Variants in ANKS1A observed in about 807,000 individuals in gnomAD.
ANKS1A encodes the protein ankyrin repeat and SAM domain-containing protein 1A.
In ANKS1A, 55 loss-of-function variants were observed where a neutral mutation model predicts 120.3. The ratio of observed to expected loss-of-function variants is 0.46; its 90% CI spans 0.37 to 0.57. The LOEUF (loss-of-function observed/expected upper bound fraction) is 0.57, where lower values mean the gene tolerates loss of function less well. ANKS1A is among the 20% of genes least tolerant of loss of function. ANKS1A has a pLI of 0.00. For synonymous variants in ANKS1A, 590 were observed against 604.7 expected, an observed-to-expected ratio of 0.98 and a Z score of 0.36; for missense variants, 1,123 against 1,480.3, an observed-to-expected ratio of 0.76 and a Z score of 3.96.
chr6:34,929,835 CT>C (rs1258719468), intron 1 of ANKS1A, among the ~76,000 whole-genome samples: 1 of 130,086 alleles, frequency 7.7e-6, no homozygotes, highest in Non-Finnish European at 1.6e-5. Context: ...TTCTTTCTTT[CT>C]CTCTTTCTTT....
intron 3 of ANKS1A, among the ~76,000 whole-genome samples, chr6:34,976,973 A>G (rs1193306918): frequency 6.6e-6 from 1 of 152,216 alleles, no homozygotes; most frequent in East Asian, 1.9e-4. Context: ...GGAAAATTCA[A>G]TATTGATACA....
At chr6:34,994,858 G>A (rs1231498814) in intron 10 of ANKS1A, among the ~76,000 whole-genome samples, 3 of 152,206 alleles carry the variant, frequency 2.0e-5, no homozygotes, top group African/African-American at 4.8e-5. Context: ...GGAGGGGCCC[G>A]TGATTGGCTG....
chr6:34,905,189 T>A (rs1767587805), intron 1 of ANKS1A, among the ~76,000 whole-genome samples: 1 of 152,248 alleles, frequency 6.6e-6, no homozygotes, highest in Non-Finnish European at 1.5e-5. Context: ...GCATTAGGTT[T>A]CCTCATTACC....
At chr6:35,043,949 C>A (rs913880973) in intron 11 of ANKS1A, among the ~76,000 whole-genome samples, 1 of 152,208 alleles carries the variant, frequency 6.6e-6, no homozygotes, top group Non-Finnish European at 1.5e-5. Context: ...ACCCTTAATT[C>A]AAGAGCACAT....
chr6:34,937,273 C>T (rs1769302089), intron 1 of ANKS1A, among the ~76,000 whole-genome samples: 1 of 151,478 alleles, frequency 6.6e-6, no homozygotes, highest in African/African-American at 2.4e-5. Flanking sequence ...GAGTTTGAGA[C>T]CAGCCTGTGC....
chr6:34,930,678 C>T (rs12205331), intron 1 of ANKS1A, among the ~76,000 whole-genome samples: 20,989 of 151,924 alleles, frequency 0.14, 1,970 homozygotes, highest in Non-Finnish European at 0.2. Context: ...TTGTGCAGTT[C>T]CTCTCATGGA....
chr6:34,956,994 C>T (rs928345770), intron 1 of ANKS1A, among the ~76,000 whole-genome samples: 2 of 152,212 alleles, frequency 1.3e-5, no homozygotes, highest in Non-Finnish European at 2.9e-5. Context: ...TGCCCCTAAT[C>T]CCTGAGCCTT....
At position 34,889,526 on chromosome 6, in the gene ANKS1A, G is replaced by GGCGGCGGCGGCGGCGGCGGCA. The variant is rs1293785369; in HGVS notation, c.138_139insGGCGGCAGCGGCGGCGGCGGC (p.Gly46_Ser47insGlyGlySerGlyGlyGlyGly). 8.0e-7 allele frequency: 1 copy of GGCGGCGGCGGCGGCGGCGGCA among 1,242,770 alleles called. No individual in the cohort carries two copies. The highest frequency in any genetic ancestry group is 1.9e-5 in the African/African-American group (1 of 52,252). The allele number at this position is 1,242,770 out of a possible 1,614,324, so 77.0% of individuals were successfully genotyped here. A position where few individuals can be genotyped will look rare whatever the true frequency, so the allele number is the denominator to read the frequency against. On this transcript the variant is annotated inframe_insertion, in exon 1 of 24. Transcript: ENST00000360359. This position sits in a 1 kb window ranked among gnomAD's most constrained non-coding sequence, Gnocchi z 5.5. ...GGGCGGCGGCGGCGGTGGCTCTGGG[G>GGCGGCGGCGGCGGCGGCGGCA]GCGGCGGCGGCGGCAGCGGCGGCGG...
intron 11 of ANKS1A, among the ~76,000 whole-genome samples, chr6:35,025,447 G>A (rs1054368676): frequency 6.6e-6 from 1 of 151,634 alleles, no homozygotes; most frequent in South Asian, 2.1e-4. Context: ...TCTCTCTCCC[G>A]CTTGCTGGTC....
chr6:35,069,619 C>T (rs187953882), intron 13 of ANKS1A, among the ~76,000 whole-genome samples: 2 of 152,092 alleles, frequency 1.3e-5, no homozygotes, highest in Admixed American at 1.3e-4. Flanking sequence ...CAGCTCACTG[C>T]AGCCCTGACC....
downstream of ANKS1A, among the ~76,000 whole-genome samples, chr6:35,092,011 T>G (rs1778324449): frequency 6.6e-6 from 1 of 152,186 alleles, no homozygotes; most frequent in African/African-American, 2.4e-5. Context: ...CTTCACTGAT[T>G]GACGGAGCAC....
chr6:35,092,555 C>T (rs1343040379), downstream of ANKS1A, among the ~76,000 whole-genome samples: 2 of 152,192 alleles, frequency 1.3e-5, no homozygotes, highest in African/African-American at 4.8e-5. Context: ...GGGGAGGCCT[C>T]ACATTCCAGA....
rs893268797 is a variant in ANKS1A, at chr6:34,889,591, T to C, written c.189T>C (p.Ser63=). Residue 63 remains serine, a synonymous_variant, in exon 1 of 24, where the codon AGT becomes AGC. Coordinates refer to ENST00000360359, the MANE Select transcript of ANKS1A (RefSeq NM_015245.3). The surrounding 1 kb of genome is among the most constrained non-coding windows in gnomAD (Gnocchi z 5.5). ...GCTCTTCCAGCCACCCCCTCTCCAG[T>C]CTGCTCAGGTGGGTACGCGCCAGGG... ...GLGSSSHPLS[S]LLSMWRGPNV... is the part of the protein sequence containing the mutation. The C allele has an allele frequency of 1.5e-6, 2 of 1,301,714 alleles. No homozygotes were observed. The highest frequency in any genetic ancestry group is 3.1e-5 in the African/African-American group (2 of 65,440). 80.6% of individuals were successfully genotyped at this position (1,301,714 alleles called of 1,614,324 possible). A position where few individuals can be genotyped will look rare whatever the true frequency, so the allele number is the denominator to read the frequency against.
rs1451452039 is a variant in ANKS1A at position 35,089,629 on chromosome 6, G to A, written c.*1020G>A. ...GGGCCCATCCCTGGCCCCCGGTGTG[G>A]AAAAGGCTAAATAAGGTGACAGTGC... On this transcript the variant is annotated 3_prime_UTR_variant, in exon 24 of 24. Transcript: ENST00000360359. The A allele has an allele frequency of 1.0e-6, 1 of 986,932 alleles. No homozygotes were observed. The highest frequency in any genetic ancestry group is 6.1e-5 in the Admixed American group (1 of 16,430). The allele number at this position is 986,932 out of a possible 1,614,324, so 61.1% of individuals were successfully genotyped here. A position where few individuals can be genotyped will look rare whatever the true frequency, so the allele number is the denominator to read the frequency against.
At chr6:35,004,880 G>C (rs913530057) in intron 10 of ANKS1A, among the ~76,000 whole-genome samples, 3 of 152,216 alleles carry the variant, frequency 2.0e-5, no homozygotes, top group African/African-American at 4.8e-5. Context: ...TTATACAAAA[G>C]TGACTATGTG....
chr6:34,979,057 G>A (rs1581587276), intron 3 of ANKS1A, among the ~76,000 whole-genome samples: 1 of 151,704 alleles, frequency 6.6e-6, no homozygotes, highest in African/African-American at 2.4e-5. Flanking sequence ...CACCACGCCC[G>A]GGTAATTTTT....
chr6:34,890,696 G>T (rs1010755127), intron 1 of ANKS1A, among the ~76,000 whole-genome samples: 3 of 152,122 alleles, frequency 2.0e-5, no homozygotes, highest in African/African-American at 7.2e-5. Context: ...GGGGATTGGG[G>T]GTGCTTTGTT....
At position 34,889,915 on chromosome 6, in the gene ANKS1A, CA is replaced by C. The variant is rs1766715909; in HGVS notation, c.197+320del. Among the ~76,000 whole-genome samples, 1 of 151,468 alleles carries C rather than the reference CA, an allele frequency of 6.6e-6. No individual in the cohort carries two copies. The highest frequency in any genetic ancestry group is 1.5e-5 in the Non-Finnish European group (1 of 67,996). ...ACAGGGTGCCAGCTATCGTAGCTCACAAAAGCCAATTAAGAGCAAATATGTA... is the reference window on the plus strand; with the variant it reads ...ACAGGGTGCCAGCTATCGTAGCTCACAAAGCCAATTAAGAGCAAATATGTA... On this transcript the variant is annotated intron_variant, in intron 1 of 23. Coordinates refer to ENST00000360359, the MANE Select transcript of ANKS1A (RefSeq NM_015245.3). The surrounding 1 kb of genome is among the most constrained non-coding windows in gnomAD (Gnocchi z 5.5).
In ANKS1A at chr6:35,067,309, C is replaced by G. The variant is rs75684391; in HGVS notation, c.2184+7056C>G. Among the ~76,000 whole-genome samples, 665 of 152,348 alleles carry G rather than the reference C, an allele frequency of 4.4e-3. 23 individuals are homozygous for G. The East Asian group carries it at 0.09, about 21-fold the overall frequency. ...TGGGAGGAAACATGTGCTCCCCCTC[C>G]TCTCTGGGCCCATGCACCATGGCCA... On this transcript the variant is annotated intron_variant, in intron 13 of 23. Coordinates refer to ENST00000360359, the MANE Select transcript of ANKS1A (RefSeq NM_015245.3).
Sources: gnomAD v4.1 joint callset for allele counts (sites outside exome capture counted in the v4.1 genomes callset) on GRCh38, gnomAD v4.1.1 for gene constraint, Gnocchi (gnomAD v3.1) non-coding constraint, MANE v1.5 for transcripts, NCBI Gene and HGNC (gene_info 2026-07-23, HGNC 2026-07-21) for gene names.